The following PCBP3 variants were observed in gnomAD, a reference collection of about 807,000 sequenced individuals.
PCBP3 encodes the protein poly(rC)-binding protein 3.
Under a neutral mutation model 52.7 loss-of-function variants are expected in PCBP3, and 25 were observed. The ratio of observed to expected loss-of-function variants is 0.47; its 90% CI spans 0.35 to 0.66. The LOEUF (loss-of-function observed/expected upper bound fraction) is 0.66, where lower values mean the gene tolerates loss of function less well. Among genes scored for constraint, PCBP3 ranks in the 30% least tolerant of loss-of-function variants. The probability of loss-of-function intolerance (pLI) is 0.01; values close to 1 mark genes in which losing one functional copy is unlikely to be tolerated. For synonymous variants in PCBP3, 162 were observed against 183.0 expected (o/e 0.89, Z 0.93); for missense variants, 391 against 490.3 (o/e 0.80, Z 1.91).
chr21:45,889,051 A>G (rs1235101382), intron 5 of PCBP3, among the ~76,000 whole-genome samples: 3 of 152,228 alleles, frequency 2.0e-5, no homozygotes, highest in Non-Finnish European at 4.4e-5. Flanking sequence ...GCCATAAGCA[A>G]GTAAGTAAAG....
At chr21:45,868,432 T>A (rs1353475812) in intron 5 of PCBP3, among the ~76,000 whole-genome samples, 3 of 136,232 alleles carry the variant, frequency 2.2e-5, no homozygotes, top group Admixed American at 7.2e-5. Context: ...TTTTTTTTTT[T>A]AAATAAAGGA....
At chr21:45,814,471 GT>G (rs2092777561) in intron 4 of PCBP3, among the ~76,000 whole-genome samples, 1 of 89,706 alleles carries the variant, frequency 1.1e-5, no homozygotes, top group African/African-American at 5.2e-5. Flanking sequence ...GTGATGAGTG[GT>G]GAGTGAGTGA....
chr21:45,899,980 A>G (rs1365195343), intron 7 of PCBP3, among the ~76,000 whole-genome samples: 9 of 151,864 alleles, frequency 5.9e-5, no homozygotes, highest in Non-Finnish European at 1.2e-4. Context: ...CAGGAGTGCC[A>G]GTGGAGGCAG....
intron 3 of PCBP3, chr21:45,750,834 A>G (rs2087403069): frequency 6.6e-6 from 1 of 152,076 alleles, no homozygotes; most frequent in Non-Finnish European, 1.5e-5. Flanking sequence ...AAATACGTGC[A>G]TGTACACATA....
intron 5 of PCBP3, among the ~76,000 whole-genome samples, chr21:45,874,476 C>G (rs887450985): frequency 6.6e-6 from 1 of 151,182 alleles, no homozygotes; most frequent in Admixed American, 6.6e-5. Flanking sequence ...TTTCTGATGG[C>G]CTTATACATG....
intron 13 of PCBP3, chr21:45,918,380 CGGTGTA>C (rs2073868083): frequency 3.9e-5 from 4 of 101,390 alleles, no homozygotes; most frequent in Middle Eastern, 6.0e-3. Context: ...GATAAACGGT[CGGTGTA>C]ATTCCAGTGC....
chr21:45,668,952 G>A lies in PCBP3; in HGVS notation c.-200G>A, dbSNP rs1442771302. ...GTAAATGTAACTGCTATCCTCTGGA[G>A]GTAATCTATTGCCATAAAGGATTTT... On this transcript the variant is annotated splice_region_variant and 5_prime_UTR_variant, in exon 2 of 18. Coordinates refer to ENST00000681687, the MANE Select transcript of PCBP3 (RefSeq NM_001384156.1). The A allele has an allele frequency of 1.3e-5, 2 of 152,082 alleles. No homozygotes were observed. The highest frequency in any genetic ancestry group is 1.3e-4 in the Admixed American group (2 of 15,278). 9.4% of individuals were successfully genotyped at this position (152,082 alleles called of 1,614,324 possible). A position where few individuals can be genotyped will look rare whatever the true frequency, so the allele number is the denominator to read the frequency against.
At chr21:45,797,648 G>A (rs1569235407) in intron 4 of PCBP3, among the ~76,000 whole-genome samples, 3 of 152,214 alleles carry the variant, frequency 2.0e-5, no homozygotes, top group Non-Finnish European at 4.4e-5. Context: ...TGCATGGATG[G>A]ATAAGTGCAT....
chr21:45,814,667 ATGAGTGG>A (rs1479063443), intron 4 of PCBP3, among the ~76,000 whole-genome samples: 7,996 of 55,298 alleles, frequency 0.14, 864 homozygotes, highest in Middle Eastern at 0.27. Flanking sequence ...GTGGTGAGTG[ATGAGTGG>A]TGAGTGGTGA....
intron 13 of PCBP3, chr21:45,919,050 G>C (rs982291470): frequency 6.5e-6 from 1 of 152,680 alleles, no homozygotes; most frequent in African/African-American, 2.4e-5. Context: ...GGGCCTCTCT[G>C]GAGGCGGCTT....
At chr21:45,669,809 A>ATG (rs1289322159) in intron 2 of PCBP3, among the ~76,000 whole-genome samples, 2 of 67,558 alleles carry the variant, frequency 3.0e-5, no homozygotes, top group African/African-American at 1.2e-4. Flanking sequence ...GTGTGTGTAT[A>ATG]TATATATATA....
rs138747581 is a variant in PCBP3 at position 45,789,080 on chromosome 21, G to A, written c.-126+33628G>A. On this transcript the variant is annotated intron_variant, in intron 4 of 17. Transcript: ENST00000681687. Reference sequence around the variant, plus strand: ...AATGGCTGTGTCCCCAGAGCTGGCCGTCCTGTGTGTACTTCATACCTGAGA... The same window carrying A: ...AATGGCTGTGTCCCCAGAGCTGGCCATCCTGTGTGTACTTCATACCTGAGA... Among the ~76,000 whole-genome samples, 240 of 152,318 alleles carry A rather than the reference G, an allele frequency of 1.6e-3. 1 individual carries two copies. Among genetic ancestry groups the A allele is most frequent in the African/African-American group, 5.0e-3 (206 of 41,582 alleles).
chr21:45,801,980 C>T (rs1042310856), intron 4 of PCBP3, among the ~76,000 whole-genome samples: 8 of 152,132 alleles, frequency 5.3e-5, no homozygotes, highest in Admixed American at 1.3e-4. Flanking sequence ...TCAGTGGAGC[C>T]GCTCGGTTGT....
intron 1 of PCBP3, among the ~76,000 whole-genome samples, chr21:45,663,483 C>G (rs932537803): frequency 6.6e-6 from 1 of 152,168 alleles, no homozygotes; most frequent in Non-Finnish European, 1.5e-5. Flanking sequence ...GTCCCTACAT[C>G]TTTCCTAGGT....
At chr21:45,654,877 T>G (rs1206363036) in intron 1 of PCBP3, among the ~76,000 whole-genome samples, 1 of 152,196 alleles carries the variant, frequency 6.6e-6, no homozygotes, top group Non-Finnish European at 1.5e-5. Context: ...ACCTGTTTCT[T>G]CCTCCCCAAA....
intron 16 of PCBP3, among the ~76,000 whole-genome samples, chr21:45,938,178 C>G (rs2077076674): frequency 6.6e-6 from 1 of 152,214 alleles, no homozygotes; most frequent in Non-Finnish European, 1.5e-5. Flanking sequence ...GATACTTCCT[C>G]CAGCAGGCTC....
intron 11 of PCBP3, among the ~76,000 whole-genome samples, chr21:45,912,156 A>G (rs1191529518): frequency 6.6e-6 from 1 of 152,118 alleles, no homozygotes; most frequent in Non-Finnish European, 1.5e-5. Context: ...ATGCAGGTGC[A>G]CCCGCTGCCC....
Position 45,735,092 on chromosome 21 carries a change from C to T in PCBP3, c.-199-300C>T, listed in dbSNP as rs964981853. Among the ~76,000 whole-genome samples, 1 of 152,124 alleles carries T rather than the reference C, an allele frequency of 6.6e-6. No individual in the cohort carries two copies. The highest frequency in any genetic ancestry group is 1.5e-5 in the Non-Finnish European group (1 of 68,036). Reference sequence around the variant, plus strand: ...AGAGGGATTTGAGAATCAGCTGTGCCCCAGACGTCAGTCAGGCCGAGGACT... The same window carrying T: ...AGAGGGATTTGAGAATCAGCTGTGCTCCAGACGTCAGTCAGGCCGAGGACT... On this transcript the variant is annotated intron_variant, in intron 2 of 17. Transcript: ENST00000681687. This position sits in a 1 kb window ranked among gnomAD's most constrained non-coding sequence, Gnocchi z 4.0.
chr21:45,862,886 G>GT (rs1331798829), intron 5 of PCBP3, among the ~76,000 whole-genome samples: 1 of 152,208 alleles, frequency 6.6e-6, no homozygotes, highest in Non-Finnish European at 1.5e-5. Flanking sequence ...TAAGAAGCCT[G>GT]TAACAGAACA....
Sources: gnomAD v4.1 joint callset for allele counts (sites outside exome capture counted in the v4.1 genomes callset) on GRCh38, gnomAD v4.1.1 for gene constraint, Gnocchi (gnomAD v3.1) non-coding constraint, MANE v1.5 for transcripts, NCBI Gene and HGNC (gene_info 2026-07-23, HGNC 2026-07-21) for gene names.